MAPK10: variants seen among roughly 807,000 people sequenced by gnomAD.
MAPK10 encodes the protein mitogen-activated protein kinase 10.
A neutral mutation model predicts 59.3 loss-of-function variants in MAPK10; 25 were observed. That is an observed-to-expected ratio of 0.42 (90% CI 0.31 to 0.59). The LOEUF (loss-of-function observed/expected upper bound fraction) is 0.59. Ranked by LOEUF, MAPK10 falls within the 20% of genes least tolerant of loss-of-function variation. MAPK10 has a pLI of 0.15. For missense variants in MAPK10, 351 were observed against 568.9 expected (o/e 0.62, Z 3.90); for synonymous variants, 190 against 200.5 (o/e 0.95, Z 0.44).
At chr4:86,045,178 T>G (rs2042266043) in intron 11 of MAPK10, among the ~76,000 whole-genome samples, 1 of 151,846 alleles carries the variant, frequency 6.6e-6, no homozygotes. Context: ...TTTTCTCAGA[T>G]TTATTTATTA....
chr4:86,554,033 T>C (rs1760066130), intron 1 of MAPK10, among the ~76,000 whole-genome samples: 1 of 152,064 alleles, frequency 6.6e-6, no homozygotes, highest in South Asian at 2.1e-4. Context: ...CATTCCACCA[T>C]GTCCAGTGAC....
chr4:86,144,170 A>C (rs2064287432), intron 4 of MAPK10, among the ~76,000 whole-genome samples: 1 of 152,148 alleles, frequency 6.6e-6, no homozygotes, highest in Non-Finnish European at 1.5e-5. Flanking sequence ...TGCACTTATA[A>C]ATTGATTTAA....
At chr4:86,541,945 C>T (rs544586849) in intron 1 of MAPK10, among the ~76,000 whole-genome samples, 199 of 87,492 alleles carry the variant, frequency 2.3e-3, no homozygotes, top group African/African-American at 7.2e-3. Flanking sequence ...ATGAATACAC[C>T]GGCACACACA....
chr4:86,500,582 G>T (rs1189206139), intron 1 of MAPK10, among the ~76,000 whole-genome samples: 2 of 152,014 alleles, frequency 1.3e-5, no homozygotes, highest in Non-Finnish European at 2.9e-5. Context: ...AAGCATTATT[G>T]GCACCTGTAT....
At chr4:86,322,721 T>C (rs748533539) in intron 2 of MAPK10, among the ~76,000 whole-genome samples, 3 of 152,212 alleles carry the variant, frequency 2.0e-5, no homozygotes, top group Non-Finnish European at 4.4e-5. Context: ...ATCTTATTAC[T>C]GATAAGTAAT....
intron 1 of MAPK10, among the ~76,000 whole-genome samples, chr4:86,415,389 A>G (rs1309200042): frequency 6.6e-6 from 1 of 152,210 alleles, no homozygotes; most frequent in African/African-American, 2.4e-5. Flanking sequence ...TTTTAAGGGC[A>G]AATAGAGTTC....
intron 2 of MAPK10, 48 bp downstream of exon 2, chr4:86,354,482 T>A: frequency 1.2e-6 from 1 of 814,558 alleles, no homozygotes; most frequent in South Asian, 6.3e-5. Context: ...ATTGGCTATA[T>A]AGATCCTAGT....
chr4:86,413,847 G>T (rs1745513980), intron 1 of MAPK10, among the ~76,000 whole-genome samples: 1 of 152,108 alleles, frequency 6.6e-6, no homozygotes, highest in African/African-American at 2.4e-5. Flanking sequence ...CTAGAAAAGG[G>T]AAATCCCCCA....
At chr4:86,159,151 AAT>A in intron 4 of MAPK10, 145 bp downstream of exon 4, 1 of 536,046 alleles carries the variant, frequency 1.9e-6, no homozygotes, top group Non-Finnish European at 3.1e-6. Context: ...TAATGCTCAT[AAT>A]GTTATTTTTT....
chr4:86,272,917 C>T (rs1293902513), intron 2 of MAPK10, among the ~76,000 whole-genome samples: 3 of 152,056 alleles, frequency 2.0e-5, no homozygotes, highest in East Asian at 3.9e-4. Context: ...GATCTTCTAT[C>T]CAGACATCCA....
intron 3 of MAPK10, among the ~76,000 whole-genome samples, chr4:86,189,185 C>A (rs910924138): frequency 1.4e-4 from 21 of 152,106 alleles, no homozygotes; most frequent in Non-Finnish European, 2.8e-4. Context: ...CATGATGCCT[C>A]CAGTGTTGTT....
chr4:86,323,775 G>T (rs971256330), intron 2 of MAPK10, among the ~76,000 whole-genome samples: 3 of 152,096 alleles, frequency 2.0e-5, no homozygotes, highest in Admixed American at 1.3e-4. Context: ...CTCAAAAGTC[G>T]ATTTCAGAAT....
intron 1 of MAPK10, among the ~76,000 whole-genome samples, chr4:86,538,492 A>T (rs1417259316): frequency 6.6e-6 from 1 of 152,158 alleles, no homozygotes; most frequent in Non-Finnish European, 1.5e-5. Flanking sequence ...CTGGGAGACA[A>T]ACCTCCCTGT....
At chr4:86,376,252 A>G (rs1739797942) in intron 1 of MAPK10, among the ~76,000 whole-genome samples, 1 of 152,208 alleles carries the variant, frequency 6.6e-6, no homozygotes, top group Non-Finnish European at 1.5e-5. Flanking sequence ...TTGTCAGAAT[A>G]TATTCCAGAA....
At chr4:86,265,248 C>A (rs1336587191) in intron 2 of MAPK10, among the ~76,000 whole-genome samples, 3 of 152,022 alleles carry the variant, frequency 2.0e-5, no homozygotes, top group African/African-American at 7.3e-5. Context: ...GACACAGTGG[C>A]TTATGCTTGT....
intron 1 of MAPK10, among the ~76,000 whole-genome samples, chr4:86,385,092 C>CTT: frequency 6.6e-6 from 1 of 152,124 alleles, no homozygotes; most frequent in South Asian, 2.1e-4. Flanking sequence ...ACAGAAAACA[C>CTT]TTTTTTTCAT....
intron 2 of MAPK10, among the ~76,000 whole-genome samples, chr4:86,343,074 A>T (rs1192098098): frequency 6.6e-6 from 1 of 152,000 alleles, no homozygotes; most frequent in East Asian, 1.9e-4. Context: ...GCAAGCCTAA[A>T]CTTCTGAACT....
chr4:86,501,666 A>G (rs1208637009), intron 1 of MAPK10, among the ~76,000 whole-genome samples: 1 of 150,324 alleles, frequency 6.7e-6, no homozygotes, highest in African/African-American at 2.5e-5. Flanking sequence ...ATTTGTATGC[A>G]TGTGTGTGTG....
intron 1 of MAPK10, among the ~76,000 whole-genome samples, chr4:86,532,579 C>T (rs187984052): frequency 6.6e-6 from 1 of 152,318 alleles, no homozygotes; most frequent in Non-Finnish European, 1.5e-5. Context: ...CTCTTCCTAT[C>T]CAAATGCTAC....
Sources: allele counts gnomAD v4.1 joint callset (sites outside exome capture counted in the v4.1 genomes callset), GRCh38; gene constraint gnomAD v4.1.1; transcripts MANE v1.5; gene names NCBI Gene and HGNC (gene_info 2026-07-23, HGNC 2026-07-21).